The following ATP1B2 variants were observed in gnomAD, a reference collection of about 807,000 sequenced individuals.
ATP1B2 encodes ATPase Na+/K+ transporting subunit beta 2.
ATP1B2 carries 12 observed loss-of-function variants against 37.3 expected under a neutral mutation model. The observed-to-expected ratio is 0.32, with a 90% confidence interval of 0.21 to 0.52. ATP1B2 has a LOEUF of 0.52. ATP1B2 is among the 20% of genes least tolerant of loss of function. The probability of loss-of-function intolerance (pLI) is 0.96; values close to 1 mark genes in which losing one functional copy is unlikely to be tolerated. For synonymous variants in ATP1B2, 139 were observed against 140.5 expected (o/e 0.99, Z 0.07); for missense variants, 324 against 391.6 (o/e 0.83, Z 1.46).
chr17:7,649,664 T>C (rs1466670099), upstream of ATP1B2, among the ~76,000 whole-genome samples: 1 of 151,956 alleles, frequency 6.6e-6, no homozygotes, highest in East Asian at 1.9e-4. Flanking sequence ...GCCATTCTCC[T>C]GCCTCAGCCT....
upstream of ATP1B2, among the ~76,000 whole-genome samples, chr17:7,649,679 A>G (rs963073253): frequency 6.6e-6 from 1 of 151,750 alleles, no homozygotes; most frequent in African/African-American, 2.4e-5. Context: ...CAGCCTCCCA[A>G]GTAGCTGGGA....
Position 7,655,924 on chromosome 17 carries a change from C to G in ATP1B2, c.*29C>G, listed in dbSNP as rs1370238209. The G allele has an allele frequency of 1.2e-6, 2 of 1,611,962 alleles. No homozygotes were observed. Among genetic ancestry groups the G allele is most frequent in the South Asian group, 2.2e-5 (2 of 90,832 alleles). Reference sequence around the variant, plus strand: ...CCCTTCCTCCCACCCCATCTCTCTCCTGTGGATGCTCCTGGAATGTCCCTG... The same window carrying G: ...CCCTTCCTCCCACCCCATCTCTCTCGTGTGGATGCTCCTGGAATGTCCCTG... On this transcript the variant is annotated 3_prime_UTR_variant, in exon 7 of 7. Transcript: ENST00000250111. This position sits in a 1 kb window ranked among gnomAD's most constrained non-coding sequence, Gnocchi z 4.4.
intron 2 of ATP1B2, 22 bp from the exon 3 acceptor site, chr17:7,653,819 C>A: frequency 6.2e-7 from 1 of 1,611,068 alleles, no homozygotes; most frequent in Non-Finnish European, 8.5e-7. Flanking sequence ...ATACCCCCAA[C>A]TTCTGCCTTT....
Position 7,655,542 on chromosome 17 carries a change from G to A in ATP1B2, c.625G>A (p.Glu209Lys), listed in dbSNP as rs779739337. ...TCAGKRDEDA[E>K]NLGNFVMFPA... is the part of the protein sequence containing the mutation. ...ACCCCCACAGCGAGATGAAGATGCTGAGAATCTCGGCAACTTCGTCATGTT... is the reference window on the plus strand; with the variant it reads ...ACCCCCACAGCGAGATGAAGATGCTAAGAATCTCGGCAACTTCGTCATGTT... The change falls in exon 6 of 7, where the codon GAG (glutamate) becomes AAG (lysine). Residue 209 changes from glutamate (E) to lysine (K), a missense_variant. By Grantham distance (56) the Glu-to-Lys change is moderately conservative. Coordinates refer to ENST00000250111, the MANE Select transcript of ATP1B2 (RefSeq NM_001678.5). This position sits in a 1 kb window ranked among gnomAD's most constrained non-coding sequence, Gnocchi z 4.4. 6 of 1,614,188 alleles carry A rather than the reference G, an allele frequency of 3.7e-6. No individual in the cohort carries two copies. Among genetic ancestry groups the A allele is most frequent in the Non-Finnish European group, 5.1e-6 (6 of 1,180,032 alleles).
Position 7,653,917 on chromosome 17 carries a change from T to C in ATP1B2, c.318T>C (p.His106=), listed in dbSNP as rs1452611587. 3.7e-6 allele frequency: 6 copies of C among 1,614,178 alleles called. No homozygotes were observed. Among genetic ancestry groups the C allele is most frequent in the Middle Eastern group, 1.6e-4 (1 of 6,062 alleles). ...NVSDTESWDQ[H]VQKLNKFLEP... ...GTGACACTGAAAGCTGGGACCAGCA[T>C]GTTCAGAAGCTCAACAAGTTCTTGG... Residue 106 remains histidine (H), a synonymous_variant, in exon 3 of 7, where the codon CAT becomes CAC. Transcript: ENST00000250111.
rs1187137406 is a variant in ATP1B2, at chr17:7,656,155, G to T, written c.*260G>T. The T allele has an allele frequency of 3.8e-6, 2 of 526,122 alleles. No individual in the cohort carries two copies. Among genetic ancestry groups the T allele is most frequent in the African/African-American group, 3.8e-5 (2 of 52,306 alleles). 32.6% of individuals were successfully genotyped at this position (526,122 alleles called of 1,614,324 possible). On this transcript the variant is annotated 3_prime_UTR_variant, in exon 7 of 7. Coordinates refer to ENST00000250111, the MANE Select transcript of ATP1B2 (RefSeq NM_001678.5). ...GCTAAGATGGCCACGGAGGAGTTAG[G>T]AGCCTTTCTAGTTCTGGTTTAGCTG...
intron 1 of ATP1B2, among the ~76,000 whole-genome samples, chr17:7,652,344 G>T (rs1321129166): frequency 6.6e-6 from 1 of 151,226 alleles, no homozygotes; most frequent in Non-Finnish European, 1.5e-5. Context: ...GTGGTCGGGG[G>T]TTGGGGGGGT....
Position 7,651,168 on chromosome 17 carries a change from G to T in ATP1B2, c.-351G>T. The T allele has an allele frequency of 1.3e-5, 3 of 239,704 alleles. No individual in the cohort carries two copies. The highest frequency in any genetic ancestry group is 5.7e-5 in the Admixed American group (1 of 17,666). 14.8% of individuals were successfully genotyped at this position (239,704 alleles called of 1,614,324 possible). A position where few individuals can be genotyped will look rare whatever the true frequency, so the allele number is the denominator to read the frequency against. ...TTTTTCTGCGTTCTGCTCGGTTTTT[G>T]TAGCCGTCTGTTTTTGCACCCCATT... On this transcript the variant is annotated 5_prime_UTR_variant, in exon 1 of 7. Coordinates refer to ENST00000250111, the MANE Select transcript of ATP1B2 (RefSeq NM_001678.5).
chr17:7,653,629 C>G lies in ATP1B2; in HGVS notation c.241+127C>G, dbSNP rs1597335183. The G allele has an allele frequency of 4.8e-6, 7 of 1,455,758 alleles. No homozygotes were observed. In the East Asian group the frequency reaches 1.6e-4, roughly 34 times the overall value. 90.2% of individuals were successfully genotyped at this position (1,455,758 alleles called of 1,614,324 possible). ...CCCAATCCCCACGTGCTTGGAAGTT[C>G]TTGAAATCTGTCCACCTTCCCATTT... On this transcript the variant is annotated intron_variant, in intron 2 of 6. Transcript: ENST00000250111.
chr17:7,652,464 C>A (rs112096564), intron 1 of ATP1B2, among the ~76,000 whole-genome samples: 3 of 152,130 alleles, frequency 2.0e-5, no homozygotes, highest in African/African-American at 4.8e-5. Flanking sequence ...CTGTGTGACA[C>A]GATTTACAAT....
rs200283606 is a variant in ATP1B2, at chr17:7,654,444, G to GT, written c.553-174dup. On this transcript the variant is annotated intron_variant, in intron 4 of 6. Coordinates refer to ENST00000250111, the MANE Select transcript of ATP1B2 (RefSeq NM_001678.5). This position sits in a 1 kb window ranked among gnomAD's most constrained non-coding sequence, Gnocchi z 4.9. ...GCAGTTAGAAGGCTGGATGCCTTTTGTTTTTTTTTTAGACAGGGTCTTGCT... is the reference window on the plus strand; with the variant it reads ...GCAGTTAGAAGGCTGGATGCCTTTTGTTTTTTTTTTTAGACAGGGTCTTGCT... Among the ~76,000 whole-genome samples, 2,061 of 148,326 alleles carry GT rather than the reference G, an allele frequency of 0.014. 53 individuals carry two copies. Among genetic ancestry groups the GT allele is most frequent in the African/African-American group, 0.048 (1,958 of 40,618 alleles).
upstream of ATP1B2, among the ~76,000 whole-genome samples, chr17:7,648,362 G>T (rs2072587422): frequency 6.6e-6 from 1 of 151,964 alleles, no homozygotes; most frequent in Non-Finnish European, 1.5e-5. Flanking sequence ...TGGATCATTT[G>T]AGGTCAGGAA....
chr17:7,655,419 G>C lies in ATP1B2; in HGVS notation c.610-108G>C. 1 of 1,080,640 alleles carries C rather than the reference G, an allele frequency of 9.3e-7. No homozygotes were observed. The highest frequency in any genetic ancestry group is 1.4e-5 in the South Asian group (1 of 71,264). The allele number at this position is 1,080,640 out of a possible 1,614,324, so 66.9% of individuals were successfully genotyped here. On this transcript the variant is annotated intron_variant, in intron 5 of 6. Transcript: ENST00000250111. The surrounding 1 kb of genome is among the most constrained non-coding windows in gnomAD (Gnocchi z 4.4). ...CTCCAGGGAGGCAGACTTGAGACAGGAATAATTGGGGCGAAGGAAGAACAA... is the reference window on the plus strand; with the variant it reads ...CTCCAGGGAGGCAGACTTGAGACAGCAATAATTGGGGCGAAGGAAGAACAA...
At position 7,655,872 on chromosome 17, in the gene ATP1B2, A is replaced by G. The variant is rs2072648002; in HGVS notation, c.850A>G (p.Lys284Glu). Reference protein sequence around the residue: ...RDKFAGRVAFKLRINKT With the variant: ...RDKFAGRVAFELRINKT Reference sequence around the variant, plus strand: ...CAAGTTCGCCGGCCGCGTGGCCTTCAAACTCCGCATCAACAAAACCTGAGG... The same window carrying G: ...CAAGTTCGCCGGCCGCGTGGCCTTCGAACTCCGCATCAACAAAACCTGAGG... Residue 284 changes from lysine (K) to glutamate (E), a missense_variant, in exon 7 of 7, where the codon AAA becomes GAA. Coordinates refer to ENST00000250111, the MANE Select transcript of ATP1B2 (RefSeq NM_001678.5). This position sits in a 1 kb window ranked among gnomAD's most constrained non-coding sequence, Gnocchi z 4.4. The G allele has an allele frequency of 6.2e-7, 1 of 1,614,038 alleles. No individual in the cohort carries two copies.
chr17:7,648,567 CAAAAAAAAAAAAAAAAAA>C (rs58333874), upstream of ATP1B2, among the ~76,000 whole-genome samples: 1 of 69,750 alleles, frequency 1.4e-5, no homozygotes, highest in Admixed American at 1.7e-4. Context: ...ACTCTGTCTC[CAAAAAAAAAAAAAAAAAA>C]AAAAAAAAAA....
In ATP1B2 at chr17:7,655,190, A is replaced by C; in HGVS notation, c.610-337A>C. 5 of 379,798 alleles carry C rather than the reference A, an allele frequency of 1.3e-5. No homozygotes were observed. The highest frequency in any genetic ancestry group is 3.4e-5 in the South Asian group (1 of 29,208). The allele number at this position is 379,798 out of a possible 1,614,324, so 23.5% of individuals were successfully genotyped here. ...CTCCACATCCCCTTCCTTGCTTCCT[A>C]TTCAACCCTTAATCATGTATCTCTT... On this transcript the variant is annotated intron_variant, in intron 5 of 6. Transcript: ENST00000250111. The surrounding 1 kb of genome is among the most constrained non-coding windows in gnomAD (Gnocchi z 4.4).
chr17:7,655,969 T>G lies in ATP1B2; in HGVS notation c.*74T>G. Reference sequence around the variant, plus strand: ...TCCCTGACCCTGCCTGATCCCTCCCTCACCCACCCCAAAGGTATTTTTGAT... The same window carrying G: ...TCCCTGACCCTGCCTGATCCCTCCCGCACCCACCCCAAAGGTATTTTTGAT... On this transcript the variant is annotated 3_prime_UTR_variant, in exon 7 of 7. Coordinates refer to ENST00000250111, the MANE Select transcript of ATP1B2 (RefSeq NM_001678.5). The surrounding 1 kb of genome is among the most constrained non-coding windows in gnomAD (Gnocchi z 4.4). The G allele has an allele frequency of 1.3e-6, 2 of 1,559,178 alleles. No homozygotes were observed. The highest frequency in any genetic ancestry group is 2.3e-5 in the South Asian group (2 of 87,086).
In ATP1B2 at chr17:7,654,086, T is replaced by C; in HGVS notation, c.381T>C (p.Asp127=). The change falls in exon 4 of 7, where the codon GAT becomes GAC. Residue 127 remains aspartate, a synonymous_variant. Coordinates refer to ENST00000250111, the MANE Select transcript of ATP1B2 (RefSeq NM_001678.5). This position sits in a 1 kb window ranked among gnomAD's most constrained non-coding sequence, Gnocchi z 4.9. Reference sequence around the variant, plus strand: ...ACTCTATCCAAGCCCAAAAGAATGATGTCTGCCGCCCTGGACGCTATTACG... The same window carrying C: ...ACTCTATCCAAGCCCAAAAGAATGACGTCTGCCGCCCTGGACGCTATTACG... ...YNDSIQAQKN[D]VCRPGRYYEQ... 1.2e-6 allele frequency: 2 copies of C among 1,614,198 alleles called. No homozygotes were observed. Among genetic ancestry groups the C allele is most frequent in the Non-Finnish European group, 1.7e-6 (2 of 1,180,038 alleles).
At chr17:7,647,093 C>CT (rs1304534014), upstream of ATP1B2, among the ~76,000 whole-genome samples, 1 of 85,106 alleles carries the variant, frequency 1.2e-5, no homozygotes, top group Non-Finnish European at 2.3e-5. Flanking sequence ...GAATAAGAGA[C>CT]TATCTCAAAA....
Sources: allele counts gnomAD v4.1 joint callset (sites outside exome capture counted in the v4.1 genomes callset), GRCh38; gene constraint gnomAD v4.1.1; non-coding constraint Gnocchi (gnomAD v3.1); transcripts MANE v1.5; gene names NCBI Gene and HGNC (gene_info 2026-07-23, HGNC 2026-07-21).